Variants in PIKFYVE observed in about 807,000 individuals in gnomAD.
PIKFYVE encodes phosphoinositide kinase, FYVE-type zinc finger containing.
PIKFYVE carries 122 observed loss-of-function variants against 257.9 expected under a neutral mutation model. The ratio of observed to expected loss-of-function variants is 0.47; its 90% CI spans 0.41 to 0.55. The LOEUF is 0.55. Among genes scored for constraint, PIKFYVE ranks in the 20% least tolerant of loss-of-function variants. The probability of loss-of-function intolerance (pLI) is 0.00; values close to 1 mark genes in which losing one functional copy is unlikely to be tolerated. For missense variants in PIKFYVE, 2,160 were observed against 2,536.6 expected, an observed-to-expected ratio of 0.85 and a Z score of 3.19; for synonymous variants, 892 against 868.9, an observed-to-expected ratio of 1.03 and a Z score of -0.47.
At chr2:208,339,613 A>C in intron 30 of PIKFYVE, 58 bp downstream of exon 30, 30 of 1,581,022 alleles carry the variant, frequency 1.9e-5, no homozygotes, top group Non-Finnish European at 2.3e-5. Flanking sequence ...AAGATATATC[A>C]TTGATTTACA....
Position 208,354,588 on chromosome 2 carries a change from A to T in PIKFYVE, c.6124A>T (p.Thr2042Ser). The change falls in exon 41 of 42, where the codon ACA becomes TCA. Residue 2042 changes from threonine to serine, a missense_variant. This residue lies in a region of PIKFYVE where 38 missense variants were observed against 77.7 expected (regional missense o/e 0.49). Coordinates refer to ENST00000264380, the MANE Select transcript of PIKFYVE (RefSeq NM_015040.4). ...VGIIDYIRTF[T>S]WDKKLEMVVK... ...CCCCCCAGATTATATTCGAACATTTACATGGGACAAAAAGCTTGAGATGGT... is the reference window on the plus strand; with the variant it reads ...CCCCCCAGATTATATTCGAACATTTTCATGGGACAAAAAGCTTGAGATGGT... 1 of 1,612,994 alleles carries T rather than the reference A, an allele frequency of 6.2e-7. No homozygotes were observed. The highest frequency in any genetic ancestry group is 8.5e-7 in the Non-Finnish European group (1 of 1,179,042).
chr2:208,300,806 G>A, intron 8 of PIKFYVE, 131 bp from the exon 9 acceptor site: 1 of 1,055,326 alleles, frequency 9.5e-7, no homozygotes, highest in Non-Finnish European at 1.4e-6. Context: ...GTATTAAATT[G>A]TGTGAGTTAG....
intron 13 of PIKFYVE, among the ~76,000 whole-genome samples, chr2:208,312,735 C>G (rs1178179425): frequency 1.3e-5 from 2 of 152,156 alleles, no homozygotes; most frequent in Non-Finnish European, 2.9e-5. Context: ...GGTTAAAGAA[C>G]TAACTCTGAT....
chr2:208,314,427 A>T lies in PIKFYVE; in HGVS notation c.1826+4A>T. 1 of 1,613,364 alleles carries T rather than the reference A, an allele frequency of 6.2e-7. No individual in the cohort carries two copies. ...AACAAGCCATGGAGAGGTTGCTGTA[A>T]GGCAATGAAATTTTTAATTTTAATT... is the stretch of plus-strand genomic sequence containing the variant. On this transcript the variant is annotated splice_donor_region_variant and intron_variant, in intron 14 of 41. Transcript: ENST00000264380.
intron 14 of PIKFYVE, among the ~76,000 whole-genome samples, chr2:208,314,927 CTG>C (rs1695320423): frequency 6.6e-6 from 1 of 151,888 alleles, no homozygotes; most frequent in African/African-American, 2.4e-5. Context: ...AAGCCCCAAA[CTG>C]TGCTTGTCTG....
rs371959708 is a variant in PIKFYVE, at chr2:208,276,839, T to A, written c.441+9T>A. 1.4e-5 allele frequency: 22 copies of A among 1,601,984 alleles called. No individual in the cohort carries two copies. Among genetic ancestry groups the A allele is most frequent in the Non-Finnish European group, 1.7e-6 (2 of 1,169,354 alleles). On this transcript the variant is annotated intron_variant, in intron 4 of 41. Coordinates refer to ENST00000264380, the MANE Select transcript of PIKFYVE (RefSeq NM_015040.4). ...TGGAGGGGAAAAGCCAGGTACTGTCTAGAGGCTTTGGAAGATTACTTATTA... is the reference window on the plus strand; with the variant it reads ...TGGAGGGGAAAAGCCAGGTACTGTCAAGAGGCTTTGGAAGATTACTTATTA...
intron 7 of PIKFYVE, among the ~76,000 whole-genome samples, chr2:208,294,620 C>G (rs571766143): frequency 6.6e-6 from 1 of 152,084 alleles, no homozygotes; most frequent in Non-Finnish European, 1.5e-5. Flanking sequence ...GAACTGTAAA[C>G]TTTATCAGGG....
intron 24 of PIKFYVE, 96 bp downstream of exon 24, chr2:208,333,589 G>C: frequency 7.5e-7 from 1 of 1,338,560 alleles, no homozygotes; most frequent in Admixed American, 1.9e-5. Flanking sequence ...GAATTAATTT[G>C]TGGGATTCCC....
At chr2:208,351,121 A>G (rs942136904) in intron 37 of PIKFYVE, among the ~76,000 whole-genome samples, 174 bp downstream of exon 37, 1 of 152,230 alleles carries the variant, frequency 6.6e-6, no homozygotes, top group African/African-American at 2.4e-5. Context: ...ATCTTCTAGA[A>G]CTGAACTTAG....
chr2:208,325,591 G>C lies in PIKFYVE; in HGVS notation c.2780G>C (p.Ser927Thr). ...IPPESLPCDDSSLLELRIVFE... is the reference protein window; with the variant it reads ...IPPESLPCDDTSLLELRIVFE... ...CCTGAGTCTCTGCCCTGTGATGATA[G>C]CAGTTTGCTGGAATTGAGGATTGTG... The change falls in exon 20 of 42, where the codon AGC (serine) becomes ACC (threonine). Residue 927 changes from serine (S) to threonine (T), a missense_variant. Physicochemically the swap from Ser to Thr is moderately conservative, Grantham distance 58 (BLOSUM62 1). Transcript: ENST00000264380. 1 of 1,614,106 alleles carries C rather than the reference G, an allele frequency of 6.2e-7. No homozygotes were observed. Among genetic ancestry groups the C allele is most frequent in the South Asian group, 1.1e-5 (1 of 91,084 alleles).
In PIKFYVE at chr2:208,347,970, A is replaced by G; in HGVS notation, c.5321A>G (p.Gln1774Arg). The change falls in exon 35 of 42, where the codon CAG becomes CGG. Residue 1774 changes from glutamine to arginine, a missense_variant. Physicochemically the swap from Gln to Arg is conservative, Grantham distance 43 (BLOSUM62 1). Coordinates refer to ENST00000264380, the MANE Select transcript of PIKFYVE (RefSeq NM_015040.4). The stretch of plus-strand genomic sequence containing the variant: ...CGTGGAGCAGATAGTGCTTACTACC[A>G]GGTTGGGCAGACGGGCAAGGAGGGG... Reference protein sequence around the residue: ...TLRGADSAYYQVGQTGKEGTE... With the variant: ...TLRGADSAYYRVGQTGKEGTE... The G allele has an allele frequency of 6.2e-7, 1 of 1,614,150 alleles. No homozygotes were observed. The highest frequency in any genetic ancestry group is 1.1e-5 in the South Asian group (1 of 91,078).
intron 12 of PIKFYVE, chr2:208,305,235 G>T: frequency 7.0e-7 from 1 of 1,423,952 alleles, no homozygotes. Flanking sequence ...ACCATGCCCA[G>T]TGTAAAGCTT....
In PIKFYVE at chr2:208,325,738, C is replaced by T. The variant is rs369543838; in HGVS notation, c.2927C>T (p.Pro976Leu). The change falls in exon 20 of 42, where the codon CCG becomes CTG. Residue 976 changes from proline (P) to leucine (L), a missense_variant. Coordinates refer to ENST00000264380, the MANE Select transcript of PIKFYVE (RefSeq NM_015040.4). ...GLPCAFFAPVPESLLPLPVDD... is the reference protein window; with the variant it reads ...GLPCAFFAPVLESLLPLPVDD... Reference sequence around the variant, plus strand: ...CCTTGTGCTTTCTTTGCACCTGTACCGGAATCATTGTTGCCACTCCCTGTG... The same window carrying T: ...CCTTGTGCTTTCTTTGCACCTGTACTGGAATCATTGTTGCCACTCCCTGTG... 24 of 1,613,300 alleles carry T rather than the reference C, an allele frequency of 1.5e-5. No individual in the cohort carries two copies. Among genetic ancestry groups the T allele is most frequent in the African/African-American group, 4.0e-5 (3 of 75,002 alleles).
At chr2:208,304,633 TTTC>T (rs1249641454) in intron 11 of PIKFYVE, among the ~76,000 whole-genome samples, 2 of 152,238 alleles carry the variant, frequency 1.3e-5, no homozygotes, top group African/African-American at 4.8e-5. Flanking sequence ...CTCCAATATA[TTTC>T]TTCATTTTAA....
intron 7 of PIKFYVE, among the ~76,000 whole-genome samples, chr2:208,289,689 C>G (rs1692043088): frequency 6.6e-6 from 1 of 152,124 alleles, no homozygotes; most frequent in African/African-American, 2.4e-5. Context: ...CTCGGCCTCC[C>G]AAAGTGTTGG....
rs371436653 is a variant in PIKFYVE, at chr2:208,348,764, C to G, written c.5374+741C>G. ...TTTACTTATCATCTGGTTGCTTTCA[C>G]TTTATATTGGCAAGTTGAGTAGTTG... On this transcript the variant is annotated intron_variant, in intron 35 of 41. Transcript: ENST00000264380. Among the ~76,000 whole-genome samples, 15 of 152,142 alleles carry G rather than the reference C, an allele frequency of 9.9e-5. No homozygotes were observed. The South Asian group carries it at 2.7e-3, about 27-fold the overall frequency.
intron 3 of PIKFYVE, among the ~76,000 whole-genome samples, chr2:208,275,792 A>G (rs1690028624): frequency 6.6e-6 from 1 of 152,182 alleles, no homozygotes; most frequent in Non-Finnish European, 1.5e-5. Flanking sequence ...GCCATAGGTT[A>G]TCAGTTTGAT....
At chr2:208,309,814 A>G (rs1170683780) in intron 12 of PIKFYVE, among the ~76,000 whole-genome samples, 5 of 152,208 alleles carry the variant, frequency 3.3e-5, no homozygotes, top group East Asian at 1.9e-4. Context: ...GATGCGTTAT[A>G]TAGACTTGGG....
chr2:208,298,714 A>C lies in PIKFYVE; in HGVS notation c.985A>C (p.Ser329Arg). ...GGTACCTTCATATGAGACATCTGTCAGTCCCCAGGCTAACCGAACATATGT... is the reference window on the plus strand; with the variant it reads ...GGTACCTTCATATGAGACATCTGTCCGTCCCCAGGCTAACCGAACATATGT... ...PMVPSYETSVSPQANRTYVRT... is the reference protein window; with the variant it reads ...PMVPSYETSVRPQANRTYVRT... Residue 329 changes from serine to arginine, a missense_variant, in exon 8 of 42, where the codon AGT (serine) becomes CGT (arginine). Transcript: ENST00000264380. The C allele has an allele frequency of 1.2e-6, 2 of 1,614,144 alleles. No individual in the cohort carries two copies. The highest frequency in any genetic ancestry group is 1.1e-5 in the South Asian group (1 of 91,084).
Sources: allele counts gnomAD v4.1 joint callset (sites outside exome capture counted in the v4.1 genomes callset), GRCh38; gene constraint gnomAD v4.1.1; regional missense constraint gnomAD v4.1.1; transcripts MANE v1.5; gene names NCBI Gene and HGNC (gene_info 2026-07-23, HGNC 2026-07-21).